EML6: variants seen among roughly 807,000 people sequenced by gnomAD.
The protein encoded by EML6 is EMAP like 6.
EML6 carries 154 observed loss-of-function variants against 240.1 expected under a neutral mutation model. The ratio of observed to expected loss-of-function variants is 0.64; its 90% confidence interval spans 0.56 to 0.73. The LOEUF is 0.73. EML6 is among the 30% of genes least tolerant of loss of function. The pLI, the probability that EML6 is intolerant of heterozygous loss-of-function variation, is 0.00. For missense variants in EML6, 2,964 were observed against 2,474.6 expected (o/e 1.20, Z -4.20); for synonymous variants, 1,148 against 899.0 (o/e 1.28, Z -4.95).
intron 34 of EML6, among the ~76,000 whole-genome samples, chr2:54,959,847 C>G (rs1252744796): frequency 6.6e-6 from 1 of 152,092 alleles, no homozygotes. Context: ...AAACGTTATT[C>G]TTAGTAGCTC....
chr2:54,933,676 A>G (rs1260148994), intron 28 of EML6, among the ~76,000 whole-genome samples: 1 of 152,126 alleles, frequency 6.6e-6, no homozygotes. Context: ...AGGTTGCAGC[A>G]AGCCAAGATG....
intron 2 of EML6, among the ~76,000 whole-genome samples, chr2:54,755,662 A>C (rs1424884005): frequency 1.3e-5 from 2 of 152,066 alleles, no homozygotes; most frequent in Non-Finnish European, 2.9e-5. Flanking sequence ...ATAGAAATAT[A>C]ATTTTTTAGT....
At chr2:54,887,072 C>T (rs1247696312) in intron 17 of EML6, among the ~76,000 whole-genome samples, 4 of 152,192 alleles carry the variant, frequency 2.6e-5, no homozygotes, top group African/African-American at 9.7e-5. Context: ...TCCTTCCCTC[C>T]AGGATGGACC....
intron 36 of EML6, 76 bp from the exon 37 acceptor site, chr2:54,963,910 G>A (rs1461493801): frequency 1.4e-6 from 2 of 1,399,220 alleles, no homozygotes; most frequent in Non-Finnish European, 1.9e-6. Flanking sequence ...GACTTCTCTG[G>A]CCTGGTGCAG....
chr2:54,859,516 C>CA lies in EML6; in HGVS notation c.1658-12dup. 6.5e-7 allele frequency: 1 copy of CA among 1,545,462 alleles called. No homozygotes were observed. The highest frequency in any genetic ancestry group is 8.7e-7 in the Non-Finnish European group (1 of 1,143,516). On this transcript the variant is annotated splice_polypyrimidine_tract_variant and intron_variant, in intron 11 of 41. Coordinates refer to ENST00000356458, the MANE Select transcript of EML6 (RefSeq NM_001039753.4). ...CTTCTTTTTTCATAACTAATCCTCT[C>CA]AAAAAATATTCTTTCAGGAGCCAAA...
Position 54,828,468 on chromosome 2 carries a change from A to G in EML6, c.711+717A>G, listed in dbSNP as rs149211934. On this transcript the variant is annotated intron_variant, in intron 6 of 41. Transcript: ENST00000356458. ...CTATCATAGTGAATGGAAATTGGGT[A>G]AAGATGTTATTGGAAATGGTAAGCC... Among the ~76,000 whole-genome samples, 197 of 152,360 alleles carry G rather than the reference A, an allele frequency of 1.3e-3. 1 individual carries two copies. The highest frequency in any genetic ancestry group is 4.4e-3 in the African/African-American group (185 of 41,590).
chr2:54,924,971 A>G (rs928796240), intron 26 of EML6, among the ~76,000 whole-genome samples: 5 of 152,216 alleles, frequency 3.3e-5, no homozygotes, highest in African/African-American at 9.6e-5. Context: ...TCTAACTGCT[A>G]TCACTCTGTT....
intron 2 of EML6, among the ~76,000 whole-genome samples, chr2:54,802,362 A>G (rs1670197253): frequency 6.6e-6 from 1 of 152,156 alleles, no homozygotes; most frequent in African/African-American, 2.4e-5. Context: ...GCAGTGACTC[A>G]CGCCTCTAAG....
chr2:54,860,996 A>G (rs1020041935), intron 12 of EML6, among the ~76,000 whole-genome samples: 1 of 152,238 alleles, frequency 6.6e-6, no homozygotes, highest in African/African-American at 2.4e-5. Flanking sequence ...TACAGGAGTG[A>G]CATCCCCTTG....
At position 54,724,595 on chromosome 2, in the gene EML6, G is replaced by A. The variant is rs1262086013; in HGVS notation, c.-467G>A. 1 of 152,220 alleles carries A rather than the reference G, an allele frequency of 6.6e-6. No individual in the cohort carries two copies. Among genetic ancestry groups the A allele is most frequent in the Non-Finnish European group, 1.5e-5 (1 of 68,050 alleles). The allele number at this position is 152,220 out of a possible 1,614,324, so 9.4% of individuals were successfully genotyped here. On this transcript the variant is annotated 5_prime_UTR_variant, in exon 2 of 42. Transcript: ENST00000356458. The surrounding 1 kb of genome is among the most constrained non-coding windows in gnomAD (Gnocchi z 5.2). ...GACGGCGATGGCAGAGCTCACCCGG[G>A]TTGCCTGTCAAATCAAGGCTATCGC... is the stretch of plus-strand genomic sequence containing the variant.
At chr2:54,754,161 G>C (rs953708215) in intron 2 of EML6, among the ~76,000 whole-genome samples, 2 of 150,018 alleles carry the variant, frequency 1.3e-5, no homozygotes, top group African/African-American at 2.5e-5. Context: ...TTTTTTTTTA[G>C]AGACAGAATC....
At chr2:54,796,983 G>A (rs1287226394) in intron 2 of EML6, among the ~76,000 whole-genome samples, 1 of 151,714 alleles carries the variant, frequency 6.6e-6, no homozygotes, top group African/African-American at 2.4e-5. Flanking sequence ...CTAACGTGGT[G>A]AAACCTGGTC....
chr2:54,843,999 T>C, intron 7 of EML6, 48 bp from the exon 8 acceptor site: 2 of 1,178,222 alleles, frequency 1.7e-6, no homozygotes, highest in Non-Finnish European at 2.5e-6. Context: ...TGTGTGTGTG[T>C]GTGTGAATAG....
At chr2:54,857,967 T>C (rs1670476968) in intron 11 of EML6, among the ~76,000 whole-genome samples, 1 of 152,256 alleles carries the variant, frequency 6.6e-6, no homozygotes, top group East Asian at 1.9e-4. Flanking sequence ...TATCTATTGC[T>C]GCATAACAAA....
chr2:54,966,034 T>C (rs796449455), intron 38 of EML6, among the ~76,000 whole-genome samples: 1 of 152,242 alleles, frequency 6.6e-6, no homozygotes, highest in Non-Finnish European at 1.5e-5. Context: ...CCAGTTAAGT[T>C]AGATCTCTTT....
At chr2:54,958,152 T>A (rs1471829529) in intron 33 of EML6, among the ~76,000 whole-genome samples, 154 bp downstream of exon 33, 5 of 152,130 alleles carry the variant, frequency 3.3e-5, no homozygotes, top group African/African-American at 1.2e-4. Context: ...CAACCACTGT[T>A]CCTTTTCTGT....
chr2:54,824,122 G>T (rs1389160795), intron 5 of EML6, among the ~76,000 whole-genome samples: 3 of 152,036 alleles, frequency 2.0e-5, no homozygotes, highest in African/African-American at 7.2e-5. Context: ...GTTCTAACTA[G>T]ATTTGCTGCT....
At chr2:54,830,801 CTG>C (rs1351380448) in intron 7 of EML6, among the ~76,000 whole-genome samples, 1 of 152,188 alleles carries the variant, frequency 6.6e-6, no homozygotes, top group Non-Finnish European at 1.5e-5. Flanking sequence ...CTTTATGTAT[CTG>C]TGAAATACAA....
intron 10 of EML6, 113 bp downstream of exon 10, chr2:54,850,331 G>T (rs1039675943): frequency 7.0e-6 from 7 of 999,686 alleles, no homozygotes; most frequent in South Asian, 1.8e-5. Flanking sequence ...AGGTTTTCTG[G>T]TTTTTGCCGG....
Sources: gnomAD v4.1 joint callset for allele counts (sites outside exome capture counted in the v4.1 genomes callset) on GRCh38, gnomAD v4.1.1 for gene constraint, Gnocchi (gnomAD v3.1) non-coding constraint, MANE v1.5 for transcripts, NCBI Gene and HGNC (gene_info 2026-07-23, HGNC 2026-07-21) for gene names.